SUMF1: variants seen among roughly 807,000 people sequenced by gnomAD.
SUMF1 encodes the protein formylglycine-generating enzyme.
In SUMF1, 48 loss-of-function variants were observed where a neutral mutation model predicts 47.6. The ratio of observed to expected loss-of-function variants is 1.01; its 90% CI spans 0.80 to 1.28. The LOEUF (loss-of-function observed/expected upper bound fraction) is 1.28, where lower values mean the gene tolerates loss of function less well. Ranked by LOEUF, SUMF1 falls within the 50% of genes most tolerant of loss-of-function variation. SUMF1 has a pLI of 0.00. For synonymous variants in SUMF1, 230 were observed against 192.1 expected (o/e 1.20, Z -1.63); for missense variants, 571 against 485.4 (o/e 1.18, Z -1.66).
At chr3:4,046,059 G>C (rs1404845314) in intron 9 of SUMF1, among the ~76,000 whole-genome samples, 1 of 149,970 alleles carries the variant, frequency 6.7e-6, no homozygotes, top group African/African-American at 2.5e-5. Flanking sequence ...TCTTAAAAAA[G>C]AAAAAAAAAG....
chr3:4,341,594 T>A (rs1309881835), intron 8 of SUMF1, among the ~76,000 whole-genome samples: 1 of 152,238 alleles, frequency 6.6e-6, no homozygotes, highest in Admixed American at 6.5e-5. Flanking sequence ...CAAGGCTACA[T>A]GCAAGAGAGA....
At chr3:4,185,263 A>C (rs2125137180) in intron 8 of SUMF1, among the ~76,000 whole-genome samples, 1 of 152,310 alleles carries the variant, frequency 6.6e-6, no homozygotes, top group African/African-American at 2.4e-5. Flanking sequence ...TCCCATCTTA[A>C]TATAGAGAAA....
At chr3:4,135,425 G>T (rs555436794) in intron 8 of SUMF1, among the ~76,000 whole-genome samples, 1 of 151,770 alleles carries the variant, frequency 6.6e-6, no homozygotes, top group East Asian at 1.9e-4. Context: ...ATTCAACAAC[G>T]TTTCATGCTA....
At chr3:4,158,019 G>A (rs572145054) in intron 8 of SUMF1, among the ~76,000 whole-genome samples, 8 of 151,638 alleles carry the variant, frequency 5.3e-5, no homozygotes, top group South Asian at 4.1e-4. Flanking sequence ...TTAAACTAGT[G>A]CCTTAATTGC....
At chr3:4,303,239 C>T (rs1027857710) in intron 8 of SUMF1, 3 of 989,614 alleles carry the variant, frequency 3.0e-6, no homozygotes, top group African/African-American at 1.8e-5. Context: ...AAGGGAAGCG[C>T]CTTCCAGGCC....
chr3:4,280,422 C>T (rs1235637735), intron 8 of SUMF1, among the ~76,000 whole-genome samples: 5 of 151,944 alleles, frequency 3.3e-5, no homozygotes, highest in East Asian at 1.9e-4. Flanking sequence ...AAGTAGCTCA[C>T]GGTCTAGAGG....
chr3:4,088,230 T>C (rs59621715), intron 8 of SUMF1, among the ~76,000 whole-genome samples: 6,058 of 152,064 alleles, frequency 0.04, 419 homozygotes, highest in African/African-American at 0.14. Context: ...ATCTATTCCT[T>C]CCACTCTCCA....
chr3:4,186,646 G>A (rs762087283), intron 8 of SUMF1, among the ~76,000 whole-genome samples: 3 of 152,178 alleles, frequency 2.0e-5, no homozygotes, highest in East Asian at 1.9e-4. Context: ...CAATTTTACT[G>A]GGTGTTCATA....
At chr3:4,146,578 C>T (rs1463905457) in intron 8 of SUMF1, among the ~76,000 whole-genome samples, 1 of 151,706 alleles carries the variant, frequency 6.6e-6, no homozygotes, top group Non-Finnish European at 1.5e-5. Context: ...GGTACATGTG[C>T]ACAACGTGCT....
intron 8 of SUMF1, among the ~76,000 whole-genome samples, chr3:4,299,664 G>A (rs1697924115): frequency 6.6e-6 from 1 of 152,136 alleles, no homozygotes; most frequent in Non-Finnish European, 1.5e-5. Context: ...CAAAAAAGTA[G>A]CTGGGTGTGG....
chr3:4,157,870 AT>A (rs138715166), intron 8 of SUMF1, among the ~76,000 whole-genome samples: 4,859 of 151,684 alleles, frequency 0.032, 385 homozygotes, highest in East Asian at 0.18. Flanking sequence ...CTGGATGCTA[AT>A]CCCACAAGAA....
chr3:4,231,322 A>G (rs1696294265), intron 8 of SUMF1, among the ~76,000 whole-genome samples: 1 of 152,146 alleles, frequency 6.6e-6, no homozygotes, highest in African/African-American at 2.4e-5. Flanking sequence ...TTGTACATAA[A>G]TGATTTTTCA....
chr3:4,146,835 A>T (rs945495577), intron 8 of SUMF1, among the ~76,000 whole-genome samples: 2 of 152,002 alleles, frequency 1.3e-5, no homozygotes, highest in African/African-American at 4.8e-5. Context: ...TGGTTTCCAG[A>T]TTCATCCATG....
intron 8 of SUMF1, among the ~76,000 whole-genome samples, chr3:4,103,320 A>G (rs145265861): frequency 2.6e-4 from 40 of 152,170 alleles, no homozygotes; most frequent in African/African-American, 9.2e-4. Flanking sequence ...ATATTTTTTT[A>G]TAACAGGAGG....
chr3:4,260,166 G>C (rs1233284552), intron 8 of SUMF1, among the ~76,000 whole-genome samples: 1 of 152,120 alleles, frequency 6.6e-6, no homozygotes, highest in Non-Finnish European at 1.5e-5. Context: ...CAGGGCTGAA[G>C]TCATAAAGGG....
At chr3:4,172,858 T>C (rs1161243741) in intron 8 of SUMF1, among the ~76,000 whole-genome samples, 1 of 152,226 alleles carries the variant, frequency 6.6e-6, no homozygotes, top group Non-Finnish European at 1.5e-5. Flanking sequence ...TTTAGTTTAA[T>C]TAGATCCCAT....
intron 8 of SUMF1, among the ~76,000 whole-genome samples, chr3:4,143,779 C>T (rs1412668527): frequency 6.6e-6 from 1 of 152,062 alleles, no homozygotes; most frequent in African/African-American, 2.4e-5. Context: ...CCATCAAGCC[C>T]TCACTACTGA....
chr3:4,456,834 GTA>G (rs1383991226), intron 1 of SUMF1, among the ~76,000 whole-genome samples: 38 of 147,196 alleles, frequency 2.6e-4, no homozygotes, highest in African/African-American at 7.0e-4. Flanking sequence ...ATATATACGT[GTA>G]TATATATACG....
intron 8 of SUMF1, among the ~76,000 whole-genome samples, chr3:4,126,751 A>G (rs2125082778): frequency 6.6e-6 from 1 of 152,326 alleles, no homozygotes; most frequent in East Asian, 1.9e-4. Context: ...AAAGTAAAAA[A>G]CAAGACAGTT....
Sources: gnomAD v4.1 joint callset for allele counts (sites outside exome capture counted in the v4.1 genomes callset) on GRCh38, gnomAD v4.1.1 for gene constraint, MANE v1.5 for transcripts, NCBI Gene and HGNC (gene_info 2026-07-23, HGNC 2026-07-21) for gene names.